Variants in EBF1 observed in about 807,000 individuals in gnomAD.
EBF1 encodes the protein transcription factor COE1.
EBF1 carries 10 observed loss-of-function variants against 68.4 expected under a neutral mutation model. The ratio of observed to expected loss-of-function variants is 0.15; its 90% confidence interval spans 0.09 to 0.25. The LOEUF (loss-of-function observed/expected upper bound fraction) is 0.25. Ranked by LOEUF, EBF1 falls within the 10% of genes least tolerant of loss-of-function variation. EBF1 has a pLI of 1.00. For missense variants in EBF1, 509 were observed against 794.4 expected (o/e 0.64, Z 4.32); for synonymous variants, 298 against 299.8 (o/e 0.99, Z 0.06).
chr5:159,037,669 G>C (rs111586779), intron 6 of EBF1, among the ~76,000 whole-genome samples: 26,196 of 110,696 alleles, frequency 0.24, 3,289 homozygotes, highest in East Asian at 0.46. Flanking sequence ...GGTGGGGGGA[G>C]GGGGGAGGGA....
Position 158,784,221 on chromosome 5 carries a change from T to C in EBF1, c.910-6682A>G, listed in dbSNP as rs539870266. Among the ~76,000 whole-genome samples, 23 of 152,284 alleles carry C rather than the reference T, an allele frequency of 1.5e-4. No homozygotes were observed. The South Asian group carries it at 4.8e-3, about 32-fold the overall frequency. Reference sequence around the variant, plus strand: ...TGGTTCATAGATGAGAAAAATAAGTTTCAGGAAAGTTAAGAAATATGATCA... The same window carrying C: ...TGGTTCATAGATGAGAAAAATAAGTCTCAGGAAAGTTAAGAAATATGATCA... On this transcript the variant is annotated intron_variant, in intron 9 of 15. Coordinates refer to ENST00000313708, the MANE Select transcript of EBF1 (RefSeq NM_024007.5).
chr5:159,015,752 T>C (rs746760850), intron 6 of EBF1, among the ~76,000 whole-genome samples: 1 of 152,232 alleles, frequency 6.6e-6, no homozygotes, highest in African/African-American at 2.4e-5. Flanking sequence ...CGCATCTTTG[T>C]GTCCAACCAC....
At chr5:158,816,933 C>T (rs777222155) in intron 8 of EBF1, among the ~76,000 whole-genome samples, 3 of 152,164 alleles carry the variant, frequency 2.0e-5, no homozygotes, top group Non-Finnish European at 4.4e-5. Flanking sequence ...AGTCCAGCAG[C>T]GAAGAGCAAA....
chr5:159,031,160 C>T (rs951254899), intron 6 of EBF1, among the ~76,000 whole-genome samples: 8 of 151,696 alleles, frequency 5.3e-5, no homozygotes, highest in Non-Finnish European at 7.4e-5. Flanking sequence ...GGCTACAGAG[C>T]GAGACTTCGT....
At chr5:158,927,298 C>T (rs918849907) in intron 6 of EBF1, among the ~76,000 whole-genome samples, 1 of 152,160 alleles carries the variant, frequency 6.6e-6, no homozygotes, top group Non-Finnish European at 1.5e-5. Flanking sequence ...CATCATTTTT[C>T]TCCGTGCTCT....
intron 8 of EBF1, among the ~76,000 whole-genome samples, chr5:158,813,611 G>T (rs1314120089): frequency 6.6e-6 from 1 of 152,118 alleles, no homozygotes. Context: ...AGACATAAAA[G>T]AACCTCTCAC....
At chr5:158,941,111 G>T in intron 6 of EBF1, 4 of 446,050 alleles carry the variant, frequency 9.0e-6, no homozygotes, top group Admixed American at 7.2e-5. Flanking sequence ...GCTGTATTGG[G>T]GTGGACAGAA....
At chr5:159,073,508 T>TA in intron 5 of EBF1, 44 bp from the exon 6 acceptor site, 9 of 1,607,952 alleles carry the variant, frequency 5.6e-6, no homozygotes, top group Non-Finnish European at 7.7e-6. Flanking sequence ...CATTACAATG[T>TA]AAAATCATCA....
chr5:158,749,391 A>G (rs1768275776), intron 10 of EBF1, among the ~76,000 whole-genome samples: 1 of 152,150 alleles, frequency 6.6e-6, no homozygotes, highest in Admixed American at 6.6e-5. Flanking sequence ...ATAAACTCAG[A>G]ATCTAATAGT....
intron 6 of EBF1, among the ~76,000 whole-genome samples, chr5:158,877,033 T>G (rs1797944323): frequency 6.6e-6 from 1 of 152,198 alleles, no homozygotes; most frequent in Non-Finnish European, 1.5e-5. Context: ...TGTAAAAGTG[T>G]AAAGAACTGA....
At chr5:158,868,420 T>C (rs555704633) in intron 6 of EBF1, among the ~76,000 whole-genome samples, 2 of 152,346 alleles carry the variant, frequency 1.3e-5, no homozygotes, top group Admixed American at 6.5e-5. Flanking sequence ...GTACTTGCAT[T>C]GCACTTCATC....
intron 9 of EBF1, among the ~76,000 whole-genome samples, chr5:158,794,315 T>C (rs1243534509): frequency 6.6e-6 from 1 of 152,176 alleles, no homozygotes; most frequent in Admixed American, 6.5e-5. Flanking sequence ...TTTTCCTTCC[T>C]ATGACTTTCA....
chr5:158,711,478 C>T (rs897378923), intron 14 of EBF1, among the ~76,000 whole-genome samples: 1 of 152,196 alleles, frequency 6.6e-6, no homozygotes, highest in African/African-American at 2.4e-5. Context: ...CTATGTCTCA[C>T]AACACTGGAT....
intron 6 of EBF1, among the ~76,000 whole-genome samples, chr5:158,903,007 A>C (rs890992444): frequency 1.2e-4 from 19 of 152,230 alleles, no homozygotes; most frequent in Non-Finnish European, 2.2e-4. Flanking sequence ...TTTTCCTTAA[A>C]GTAGATCTTG....
intron 6 of EBF1, among the ~76,000 whole-genome samples, chr5:158,872,367 G>C (rs1454157142): frequency 2.0e-5 from 3 of 151,756 alleles, no homozygotes; most frequent in African/African-American, 4.8e-5. Flanking sequence ...CAGCTAATTT[G>C]TGTATTTTTA....
chr5:158,979,921 ACT>A (rs1415028452), intron 6 of EBF1, among the ~76,000 whole-genome samples: 1 of 151,836 alleles, frequency 6.6e-6, no homozygotes, highest in African/African-American at 2.4e-5. Flanking sequence ...CCCTGCGTTC[ACT>A]CTCTGCTTGC....
chr5:158,849,317 G>A (rs932608322), intron 6 of EBF1, among the ~76,000 whole-genome samples: 1 of 152,146 alleles, frequency 6.6e-6, no homozygotes, highest in Non-Finnish European at 1.5e-5. Flanking sequence ...GTCACACCAA[G>A]CTACATCCTG....
intron 9 of EBF1, among the ~76,000 whole-genome samples, chr5:158,778,897 C>A (rs137894370): frequency 6.6e-6 from 1 of 152,100 alleles, no homozygotes; most frequent in Non-Finnish European, 1.5e-5. Flanking sequence ...CTAAATGGCT[C>A]CAGGTTTCTA....
At chr5:158,716,294 T>A (rs1215786442) in intron 11 of EBF1, among the ~76,000 whole-genome samples, 2 of 152,094 alleles carry the variant, frequency 1.3e-5, no homozygotes, top group Non-Finnish European at 2.9e-5. Flanking sequence ...AGAGCTCTCA[T>A]CCCCATTTAA....
Sources: allele counts gnomAD v4.1 joint callset (sites outside exome capture counted in the v4.1 genomes callset), GRCh38; gene constraint gnomAD v4.1.1; transcripts MANE v1.5; gene names NCBI Gene and HGNC (gene_info 2026-07-23, HGNC 2026-07-21).